Variants in LRRC56 observed in about 807,000 individuals in gnomAD.
LRRC56 encodes the protein leucine rich repeat containing 56, also known as leucine-rich repeat-containing protein 56.
Under a neutral mutation model 47.8 loss-of-function variants are expected in LRRC56, and 41 were observed. The observed-to-expected ratio is 0.86, with a 90% CI of 0.67 to 1.11. The LOEUF (loss-of-function observed/expected upper bound fraction) is 1.11, where lower values mean the gene tolerates loss of function less well. Among genes scored for constraint, LRRC56 ranks in the 50% most tolerant of loss-of-function variants. The probability of loss-of-function intolerance (pLI) is 0.00; values close to 1 mark genes in which losing one functional copy is unlikely to be tolerated. For missense variants in LRRC56, 759 were observed against 704.2 expected (o/e 1.08, Z -0.88); for synonymous variants, 387 against 311.2 (o/e 1.24, Z -2.56).
the LRRC56 span, among the ~76,000 whole-genome samples, chr11:530,506 T>A: frequency 1.0e-5 from 1 of 97,064 alleles, no homozygotes; most frequent in Non-Finnish European, 2.1e-5. Context: ...GAAGGGCGAG[T>A]GTGGCGTCCC....
In LRRC56 at chr11:541,289, C is replaced by G. The variant is rs1247694402; in HGVS notation, c.178-248C>G. ...TGTGGTGTGTCTGCCCTGGGAGTCT[C>G]TCTGGAGACGGGCAGCCCCCAGGGC... is the stretch of plus-strand genomic sequence containing the variant. On this transcript the variant is annotated intron_variant, in intron 4 of 13. Coordinates refer to ENST00000270115, the MANE Select transcript of LRRC56 (RefSeq NM_198075.4). This position sits in a 1 kb window ranked among gnomAD's most constrained non-coding sequence, Gnocchi z 4.1. Among the ~76,000 whole-genome samples the G allele has an allele frequency of 6.6e-6, 1 of 152,170 alleles. No homozygotes were observed. Among genetic ancestry groups the G allele is most frequent in the Non-Finnish European group, 1.5e-5 (1 of 68,016 alleles).
the LRRC56 span, among the ~76,000 whole-genome samples, chr11:524,967 C>T: frequency 6.6e-6 from 1 of 150,422 alleles, no homozygotes; most frequent in Admixed American, 6.6e-5. Flanking sequence ...GTGGTGGTGC[C>T]TGCCTGTAGT....
chr11:533,243 C>T, upstream of LRRC56: 1 of 1,534,352 alleles, frequency 6.5e-7, no homozygotes, highest in Non-Finnish European at 8.8e-7. Context: ...CGGCCCTCGC[C>T]TCCCTCACTG....
chr11:536,218 C>T (rs901203757), upstream of LRRC56, among the ~76,000 whole-genome samples: 9 of 152,344 alleles, frequency 5.9e-5, no homozygotes, highest in South Asian at 1.2e-3. Context: ...GTGAGAACGC[C>T]CCCTCCACCA....
At chr11:553,618 C>T (rs931784419) in intron 13 of LRRC56, among the ~76,000 whole-genome samples, 20 of 152,114 alleles carry the variant, frequency 1.3e-4, no homozygotes, top group South Asian at 2.1e-4. Flanking sequence ...GGAACCGGCC[C>T]GGGGCGGTCA....
chr11:538,319 C>G (rs960299976), intron 1 of LRRC56, among the ~76,000 whole-genome samples: 3 of 152,202 alleles, frequency 2.0e-5, no homozygotes, highest in African/African-American at 7.2e-5. Context: ...AGCTCACGCC[C>G]TCCATGAGGC....
At chr11:552,954 G>A (rs761741540) in intron 13 of LRRC56, among the ~76,000 whole-genome samples, 1 of 152,218 alleles carries the variant, frequency 6.6e-6, no homozygotes, top group Admixed American at 6.5e-5. Context: ...CTGGACGAAA[G>A]AGAGGCGTTC....
chr11:524,776 G>A, the LRRC56 span, among the ~76,000 whole-genome samples: 1 of 152,126 alleles, frequency 6.6e-6, no homozygotes, highest in Non-Finnish European at 1.5e-5. Flanking sequence ...GATCCATTTT[G>A]AGACAATCTT....
rs1400507365 is a variant in LRRC56, at chr11:541,622, T to C, written c.263T>C (p.Phe88Ser). 6.4e-7 allele frequency: 1 copy of C among 1,565,258 alleles called. No homozygotes were observed. Among genetic ancestry groups the C allele is most frequent in the Non-Finnish European group, 8.7e-7 (1 of 1,153,724 alleles). ...VDTREGSLGN[F>S]GVHLPNLDQL... ...ACTCGTGAGGGCAGCCTGGGGAACTTTGGTGAGCCTCTTCCCACCCCGCCA... is the reference window on the plus strand; with the variant it reads ...ACTCGTGAGGGCAGCCTGGGGAACTCTGGTGAGCCTCTTCCCACCCCGCCA... Residue 88 changes from phenylalanine to serine, a missense_variant and splice_region_variant, in exon 5 of 14, where the codon TTT becomes TCT. Phe to Ser is a radical substitution (Grantham distance 155). Coordinates refer to ENST00000270115, the MANE Select transcript of LRRC56 (RefSeq NM_198075.4). This position sits in a 1 kb window ranked among gnomAD's most constrained non-coding sequence, Gnocchi z 4.1.
the LRRC56 span, among the ~76,000 whole-genome samples, chr11:526,199 C>G: frequency 6.6e-6 from 1 of 151,916 alleles, no homozygotes; most frequent in Non-Finnish European, 1.5e-5. Context: ...AGTGAGACTC[C>G]GTCTCAAAAG....
chr11:520,557 G>C, the LRRC56 span, among the ~76,000 whole-genome samples: 1 of 152,110 alleles, frequency 6.6e-6, no homozygotes, highest in South Asian at 2.1e-4. Context: ...GGCCTCAAAT[G>C]ATCCGCCCAC....
chr11:533,239 T>A (rs2133984647), upstream of LRRC56: 2 of 1,516,546 alleles, frequency 1.3e-6, no homozygotes, highest in Non-Finnish European at 1.8e-6. Flanking sequence ...ACCCCGGCCC[T>A]CGCCTCCCTC....
the LRRC56 span, among the ~76,000 whole-genome samples, chr11:514,435 C>A: frequency 6.6e-6 from 1 of 151,904 alleles, no homozygotes; most frequent in South Asian, 2.1e-4. Flanking sequence ...CACAGGTGCA[C>A]ACCCCCACAC....
In LRRC56 at chr11:554,030, T is replaced by C; in HGVS notation, c.1383T>C (p.Ser461=). The change falls in exon 14 of 14, where the codon TCT becomes TCC. Residue 461 remains serine (S), a synonymous_variant. Coordinates refer to ENST00000270115, the MANE Select transcript of LRRC56 (RefSeq NM_198075.4). ...SPPKHPRPRD[S]GSSSPRWSTD... ...CCAAGCACCCAAGGCCACGAGATTC[T>C]GGCAGCAGCTCCCCGCGGTGGTCGA... is the stretch of plus-strand genomic sequence containing the variant. 1 of 1,612,184 alleles carries C rather than the reference T, an allele frequency of 6.2e-7. No individual in the cohort carries two copies. The highest frequency in any genetic ancestry group is 2.2e-5 in the East Asian group (1 of 44,862).
chr11:525,732 C>T, the LRRC56 span, among the ~76,000 whole-genome samples: 9 of 151,638 alleles, frequency 5.9e-5, no homozygotes, highest in African/African-American at 9.7e-5. Context: ...CTGGTCTGTA[C>T]GAAAAATTAA....
chr11:548,582 C>T (rs1852206579), intron 6 of LRRC56, among the ~76,000 whole-genome samples: 1 of 152,188 alleles, frequency 6.6e-6, no homozygotes, highest in African/African-American at 2.4e-5. Context: ...CTCAGCCTCC[C>T]AAAGTGCTGG....
the LRRC56 span, among the ~76,000 whole-genome samples, chr11:514,369 C>T: frequency 6.6e-6 from 1 of 151,932 alleles, no homozygotes; most frequent in African/African-American, 2.4e-5. Context: ...TCACGGCAAC[C>T]TCTGCCTCCC....
At chr11:542,535 T>G (rs1003236343) in intron 5 of LRRC56, among the ~76,000 whole-genome samples, 2 of 135,644 alleles carry the variant, frequency 1.5e-5, no homozygotes, top group African/African-American at 5.7e-5. Flanking sequence ...GAGCTGAGAT[T>G]GCACCGCTGC....
At chr11:535,763 G>A (rs922731078), upstream of LRRC56, among the ~76,000 whole-genome samples, 22 of 152,236 alleles carry the variant, frequency 1.4e-4, no homozygotes, top group African/African-American at 4.8e-4. Context: ...GGTTGGGCTT[G>A]GCTGGAGACC....
Sources: gnomAD v4.1 joint callset for allele counts (sites outside exome capture counted in the v4.1 genomes callset) on GRCh38, gnomAD v4.1.1 for gene constraint, Gnocchi (gnomAD v3.1) non-coding constraint, MANE v1.5 for transcripts, NCBI Gene and HGNC (gene_info 2026-07-23, HGNC 2026-07-21) for gene names.